Variants in SAMMSON observed in about 807,000 individuals in gnomAD.
SAMMSON encodes long intergenic non-protein coding RNA 1212.
chr3:70,239,487 C>T (rs1701644165), intron 4 of SAMMSON, among the ~76,000 whole-genome samples: 1 of 151,704 alleles, frequency 6.6e-6, no homozygotes, highest in South Asian at 2.1e-4. Context: ...ATGGTTTGAT[C>T]ATTATTGTTT....
chr3:70,366,196 T>G lies in SAMMSON; in HGVS notation n.913+7872T>G, dbSNP rs200004491. Among the ~76,000 whole-genome samples, 53 of 30,990 alleles carry G rather than the reference T, an allele frequency of 1.7e-3. 13 individuals carry two copies. The East Asian group carries it at 0.025, about 15-fold the overall frequency. The allele number at this position is 30,990 out of a possible 152,430, so 20.3% of individuals were successfully genotyped here. On this transcript the variant is annotated intron_variant and non_coding_transcript_variant, in intron 9 of 9. Transcript: ENST00000642114. ...TAGTAGAGACGGGGTTTCACCTTGTTAGCCAGGATGGTCTCGATCTCCTGA... is the reference window on the plus strand; with the variant it reads ...TAGTAGAGACGGGGTTTCACCTTGTGAGCCAGGATGGTCTCGATCTCCTGA...
intron 3 of SAMMSON, among the ~76,000 whole-genome samples, chr3:70,039,898 A>G (rs2067100242): frequency 6.6e-6 from 1 of 152,140 alleles, no homozygotes; most frequent in South Asian, 2.1e-4. Flanking sequence ...AGAGGAATAA[A>G]CAGCATGGAA....
At chr3:70,248,649 A>G (rs1034302607) in intron 4 of SAMMSON, among the ~76,000 whole-genome samples, 3 of 152,178 alleles carry the variant, frequency 2.0e-5, no homozygotes, top group Non-Finnish European at 4.4e-5. Context: ...TCAACAGTAA[A>G]GACAGGAGTT....
intron 7 of SAMMSON, among the ~76,000 whole-genome samples, chr3:70,327,264 C>G (rs1702586465): frequency 6.6e-6 from 1 of 152,146 alleles, no homozygotes; most frequent in African/African-American, 2.4e-5. Context: ...GCTTTTCCAC[C>G]ATAAACAACT....
chr3:70,005,116 G>A (rs190315858), intron 1 of SAMMSON, among the ~76,000 whole-genome samples: 1 of 152,110 alleles, frequency 6.6e-6, no homozygotes, highest in African/African-American at 2.4e-5. Context: ...AAATTTCATT[G>A]AAGGGAAGAG....
chr3:70,402,558 T>C (rs190191623), intron 2 of SAMMSON, among the ~76,000 whole-genome samples: 1 of 152,292 alleles, frequency 6.6e-6, no homozygotes, highest in Admixed American at 6.5e-5. Flanking sequence ...TAGGAAAATG[T>C]ATTTCAAAAT....
chr3:70,423,316 G>T (rs1191079130), intron 2 of SAMMSON, among the ~76,000 whole-genome samples: 1 of 152,020 alleles, frequency 6.6e-6, no homozygotes, highest in African/African-American at 2.4e-5. Context: ...TTTTAAATCA[G>T]GTAAAATGTT....
intron 6 of SAMMSON, chr3:70,283,719 T>A (rs913205184): frequency 2.0e-5 from 3 of 151,412 alleles, no homozygotes; most frequent in Non-Finnish European, 4.4e-5. Context: ...CAAGTTAGAA[T>A]CTTGATTTCA....
chr3:70,207,033 CTT>C (rs11317960), intron 4 of SAMMSON, among the ~76,000 whole-genome samples: 13,664 of 139,524 alleles, frequency 0.098, 1,073 homozygotes, highest in African/African-American at 0.23. Flanking sequence ...CTTATTTCTA[CTT>C]TTTTTTTTTT....
intron 7 of SAMMSON, among the ~76,000 whole-genome samples, chr3:70,305,673 T>A (rs1419203538): frequency 2.6e-5 from 4 of 152,200 alleles, no homozygotes; most frequent in Admixed American, 2.0e-4. Context: ...AAAATGCATA[T>A]TTCAGAATTC....
chr3:70,141,872 T>G (rs1396547750), intron 4 of SAMMSON, among the ~76,000 whole-genome samples: 1 of 152,154 alleles, frequency 6.6e-6, no homozygotes, highest in African/African-American at 2.4e-5. Flanking sequence ...TCCTTCCTAG[T>G]GCTATGTTGC....
intron 3 of SAMMSON, among the ~76,000 whole-genome samples, chr3:70,035,004 T>C (rs1175155579): frequency 3.3e-5 from 5 of 152,164 alleles, no homozygotes; most frequent in Admixed American, 2.6e-4. Context: ...CTCACAGATA[T>C]ATAGATCAGA....
intron 4 of SAMMSON, among the ~76,000 whole-genome samples, chr3:70,237,306 C>A (rs1340153413): frequency 1.3e-5 from 2 of 152,170 alleles, no homozygotes; most frequent in Non-Finnish European, 2.9e-5. Flanking sequence ...ATAGACAGAC[C>A]TCTATTAATG....
chr3:70,036,494 T>C (rs1234780012), intron 3 of SAMMSON, among the ~76,000 whole-genome samples: 2 of 152,152 alleles, frequency 1.3e-5, no homozygotes, highest in African/African-American at 4.8e-5. Context: ...CCACAGTGAT[T>C]GTTTAAAAAA....
chr3:70,337,878 A>T (rs190100065), intron 7 of SAMMSON, among the ~76,000 whole-genome samples: 31 of 151,936 alleles, frequency 2.0e-4, no homozygotes, highest in Non-Finnish European at 3.8e-4. Flanking sequence ...CTTTAATCTT[A>T]AACATTTTAT....
In SAMMSON at chr3:70,124,980, C is replaced by T. The variant is rs568538678; in HGVS notation, n.507+53415C>T. ...ACTTTCAAAGCTGTTATGCACAGTT[C>T]CATAGTCCAGGTGGTCAATTTCTTC... On this transcript the variant is annotated intron_variant and non_coding_transcript_variant, in intron 4 of 9. Transcript: ENST00000642114. 1.7e-5 allele frequency: 11 copies of T among 646,474 alleles called. No homozygotes were observed. The East Asian group carries it at 1.9e-4, about 11-fold the overall frequency. 40.0% of individuals were successfully genotyped at this position (646,474 alleles called of 1,614,324 possible). A position where few individuals can be genotyped will look rare whatever the true frequency, so the allele number is the denominator to read the frequency against.
chr3:70,428,235 A>G (rs896387972), intron 2 of SAMMSON, among the ~76,000 whole-genome samples: 4 of 152,186 alleles, frequency 2.6e-5, no homozygotes, highest in Admixed American at 6.5e-5. Flanking sequence ...TTTTGTAGAA[A>G]TTGAAAAATT....
intron 4 of SAMMSON, chr3:70,125,082 C>T (rs2067451179): frequency 2.1e-6 from 2 of 937,000 alleles, no homozygotes; most frequent in African/African-American, 1.6e-5. Flanking sequence ...TTTCTTTTTC[C>T]TTCCTTAGGA....
chr3:70,123,013 G>A (rs949751802), intron 4 of SAMMSON, among the ~76,000 whole-genome samples: 5 of 152,128 alleles, frequency 3.3e-5, no homozygotes, highest in African/African-American at 1.2e-4. Context: ...TAAATTACCT[G>A]AAATACTTAA....
Sources: allele counts gnomAD v4.1 joint callset (sites outside exome capture counted in the v4.1 genomes callset), GRCh38; gene constraint gnomAD v4.1.1; transcripts MANE v1.5; gene names NCBI Gene and HGNC (gene_info 2026-07-23, HGNC 2026-07-21).